NBAS: variants seen among roughly 807,000 people sequenced by gnomAD.
NBAS encodes NBAS subunit of NRZ tethering complex.
Under a neutral mutation model 302.5 loss-of-function variants are expected in NBAS, and 219 were observed. That is an observed-to-expected ratio of 0.72 (90% confidence interval 0.65 to 0.81). The LOEUF (loss-of-function observed/expected upper bound fraction) is 0.81. Ranked by LOEUF, NBAS falls within the 30% of genes least tolerant of loss-of-function variation. NBAS has a pLI of 0.00. For missense variants in NBAS, 2,932 were observed against 2,841.6 expected (o/e 1.03, Z -0.72); for synonymous variants, 1,118 against 1,021.6 (o/e 1.09, Z -1.80).
At chr2:15,456,565 T>C (rs147342517) in intron 21 of NBAS, among the ~76,000 whole-genome samples, 66 of 152,314 alleles carry the variant, frequency 4.3e-4, no homozygotes, top group Non-Finnish European at 8.2e-4. Flanking sequence ...TCTTTATGGA[T>C]CTTACATTCA....
chr2:15,147,418 A>G, the NBAS span, among the ~76,000 whole-genome samples: 1 of 151,862 alleles, frequency 6.6e-6, no homozygotes, highest in Non-Finnish European at 1.5e-5. Flanking sequence ...ACATGGAGAA[A>G]CCCCATCTCT....
At chr2:15,426,277 A>T (rs1036840921) in intron 22 of NBAS, among the ~76,000 whole-genome samples, 1 of 152,058 alleles carries the variant, frequency 6.6e-6, no homozygotes, top group Admixed American at 6.6e-5. Flanking sequence ...CTTTTACATA[A>T]CATGCCTTTC....
intron 49 of NBAS, 86 bp downstream of exon 49, chr2:15,190,178 A>T (rs1572420126): frequency 2.7e-6 from 4 of 1,470,552 alleles, no homozygotes; most frequent in Middle Eastern, 1.8e-4. Flanking sequence ...TTATTCTTTC[A>T]TTGGCTCTTT....
At chr2:15,296,860 C>T (rs10167186) in intron 40 of NBAS, among the ~76,000 whole-genome samples, 89,448 of 152,006 alleles carry the variant, frequency 0.59, 29,197 homozygotes, top group African/African-American at 0.87. Flanking sequence ...AATAAATAAA[C>T]AAACAAATAA....
chr2:15,146,444 T>A, the NBAS span, among the ~76,000 whole-genome samples: 2 of 152,142 alleles, frequency 1.3e-5, no homozygotes, highest in South Asian at 4.1e-4. Flanking sequence ...AGACGGCTGA[T>A]AAAGGCAATT....
At chr2:15,236,750 G>A (rs1558462503) in intron 45 of NBAS, among the ~76,000 whole-genome samples, 2 of 151,928 alleles carry the variant, frequency 1.3e-5, no homozygotes, top group Admixed American at 6.6e-5. Flanking sequence ...CTGTAGTACT[G>A]TAAATGTTAG....
chr2:15,060,277 C>T, the NBAS span, among the ~76,000 whole-genome samples: 2 of 152,164 alleles, frequency 1.3e-5, no homozygotes, highest in African/African-American at 4.8e-5. Flanking sequence ...GCACATTCCC[C>T]GCTTGGCAGC....
At chr2:14,898,370 T>A in the NBAS span, among the ~76,000 whole-genome samples, 2 of 152,224 alleles carry the variant, frequency 1.3e-5, no homozygotes, top group Non-Finnish European at 2.9e-5. Flanking sequence ...CTAGTCATTA[T>A]GAAATGGACC....
intron 27 of NBAS, among the ~76,000 whole-genome samples, chr2:15,395,074 A>G (rs979724896): frequency 6.6e-6 from 1 of 152,128 alleles, no homozygotes; most frequent in African/African-American, 2.4e-5. Flanking sequence ...CAGGTGGAAC[A>G]GGATACAAAG....
Position 15,274,141 on chromosome 2 carries a change from A to G in NBAS, c.5724+1343T>C, listed in dbSNP as rs79297727. ...ACAAAAAACATGATTACTCCTTTTT[A>G]TAGCAGTGGTTGTAAAATTTAAAAC... On this transcript the variant is annotated intron_variant, in intron 44 of 51. Transcript: ENST00000281513. 4.2e-4 allele frequency among the ~76,000 whole-genome samples: 64 copies of G among 152,312 alleles called. No individual in the cohort carries two copies. In the East Asian group the frequency reaches 0.011, roughly 27 times the overall value.
At chr2:15,113,520 G>C in the NBAS span, among the ~76,000 whole-genome samples, 3 of 152,066 alleles carry the variant, frequency 2.0e-5, no homozygotes. Context: ...GTACGAGAGA[G>C]AATTTTTCTC....
At chr2:15,133,442 A>G in the NBAS span, among the ~76,000 whole-genome samples, 1 of 152,244 alleles carries the variant, frequency 6.6e-6, no homozygotes, top group South Asian at 2.1e-4. Context: ...ATTTAGGCAG[A>G]TAGAACAGCA....
the NBAS span, among the ~76,000 whole-genome samples, chr2:15,102,654 G>A: frequency 2.6e-5 from 4 of 152,192 alleles, no homozygotes; most frequent in African/African-American, 9.6e-5. Context: ...CCTTTATGAA[G>A]CCAAGGTACT....
the NBAS span, among the ~76,000 whole-genome samples, chr2:14,920,265 C>T: frequency 4.7e-4 from 71 of 152,172 alleles, no homozygotes; most frequent in East Asian, 8.3e-3. Flanking sequence ...TTTTTCTGGG[C>T]AGTAGGTCTC....
At chr2:15,227,128 A>G (rs1393578127) in intron 47 of NBAS, among the ~76,000 whole-genome samples, 1 of 152,198 alleles carries the variant, frequency 6.6e-6, no homozygotes, top group Non-Finnish European at 1.5e-5. Context: ...ATTTTATGGA[A>G]TGCTTTTTCA....
chr2:15,150,545 C>T, the NBAS span, among the ~76,000 whole-genome samples: 3 of 152,156 alleles, frequency 2.0e-5, no homozygotes, highest in East Asian at 1.9e-4. Context: ...TTTGGACTCA[C>T]GGAGAGTCTG....
chr2:14,908,947 C>G, the NBAS span, among the ~76,000 whole-genome samples: 7 of 152,124 alleles, frequency 4.6e-5, no homozygotes, highest in Admixed American at 6.5e-5. Context: ...GAAATGCAGC[C>G]CACTCCCAGA....
At chr2:15,443,855 A>C (rs1424442659) in intron 21 of NBAS, among the ~76,000 whole-genome samples, 3 of 152,178 alleles carry the variant, frequency 2.0e-5, no homozygotes, top group Non-Finnish European at 4.4e-5. Flanking sequence ...CTTATACACC[A>C]ATAACAGACA....
the NBAS span, among the ~76,000 whole-genome samples, chr2:14,829,390 T>C: frequency 6.6e-6 from 1 of 152,198 alleles, no homozygotes. Context: ...TTCTCCTGTA[T>C]CTACTACTGA....
Sources: allele counts gnomAD v4.1 joint callset (sites outside exome capture counted in the v4.1 genomes callset), GRCh38; gene constraint gnomAD v4.1.1; transcripts MANE v1.5; gene names NCBI Gene and HGNC (gene_info 2026-07-23, HGNC 2026-07-21).